The following NEO1 variants were observed in gnomAD, a reference collection of about 807,000 sequenced individuals.
NEO1 encodes neogenin 1.
NEO1 carries 63 observed loss-of-function variants against 159.7 expected under a neutral mutation model. That is an observed-to-expected ratio of 0.39 (90% CI 0.32 to 0.49). The LOEUF is 0.49. Ranked by LOEUF, NEO1 falls within the 20% of genes least tolerant of loss-of-function variation. NEO1 has a pLI of 0.85. For synonymous variants in NEO1, 633 were observed against 662.0 expected (o/e 0.96, Z 0.67); for missense variants, 1,615 against 1,831.0 (o/e 0.88, Z 2.15).
At chr15:73,285,736 C>G (rs1164143999) in intron 23 of NEO1, among the ~76,000 whole-genome samples, 1 of 152,146 alleles carries the variant, frequency 6.6e-6, no homozygotes, top group East Asian at 1.9e-4. Flanking sequence ...CCCTTAGCCC[C>G]TGACTGGCAA....
chr15:73,130,136 G>A (rs1367768392), intron 4 of NEO1, among the ~76,000 whole-genome samples: 1 of 152,146 alleles, frequency 6.6e-6, no homozygotes, highest in Non-Finnish European at 1.5e-5. Context: ...ACCACTGCCA[G>A]CTAATTTTTG....
At chr15:73,273,665 A>G (rs967893123) in intron 19 of NEO1, 146 bp from the exon 20 acceptor site, 14 of 630,416 alleles carry the variant, frequency 2.2e-5, no homozygotes, top group Non-Finnish European at 3.1e-5. Context: ...TCAAAACTGA[A>G]TTATTTTAAT....
At chr15:73,253,776 A>G (rs1418749143) in intron 12 of NEO1, among the ~76,000 whole-genome samples, 1 of 152,228 alleles carries the variant, frequency 6.6e-6, no homozygotes, top group Non-Finnish European at 1.5e-5. Context: ...TCTGTAAAAC[A>G]TTACATTCTA....
At chr15:73,155,937 A>G (rs2033739676) in intron 5 of NEO1, among the ~76,000 whole-genome samples, 1 of 152,174 alleles carries the variant, frequency 6.6e-6, no homozygotes, top group South Asian at 2.1e-4. Context: ...TTAATTCTTT[A>G]TCTAGAAGTT....
rs1041379297 is a variant in NEO1 at position 73,052,606 on chromosome 15, G to C, written c.-70G>C. ...CTTGCAGCGAGGGACCGGCTGAGGC[G>C]CGCGGGAGGGAAGGAGGCAAGGGCT... is the stretch of plus-strand genomic sequence containing the variant. On this transcript the variant is annotated 5_prime_UTR_variant, in exon 1 of 29. Transcript: ENST00000261908. 5 of 1,020,028 alleles carry C rather than the reference G, an allele frequency of 4.9e-6. No individual in the cohort carries two copies. The African/African-American group carries it at 7.0e-5, about 14-fold the overall frequency. 63.2% of individuals were successfully genotyped at this position (1,020,028 alleles called of 1,614,324 possible).
chr15:73,249,633 TAC>T lies in NEO1; in HGVS notation c.1808_1809del (p.Thr603ArgfsTer3). ...ACACCATTAATGGGTTGAAAAAATATACAGAGTATAGTTTCCGAGTGGTGGCC... is the reference window on the plus strand; with the variant it reads ...ACACCATTAATGGGTTGAAAAAATATAGAGTATAGTTTCCGAGTGGTGGCC... ...SYTINGLKKY[T>X]EYSFRVVAYN... On this transcript the variant is annotated frameshift_variant, in exon 11 of 29. Coordinates refer to ENST00000261908, the MANE Select transcript of NEO1 (RefSeq NM_002499.4). LOFTEE classifies it high-confidence loss of function. The T allele has an allele frequency of 6.2e-7, 1 of 1,613,638 alleles. No individual in the cohort carries two copies. The highest frequency in any genetic ancestry group is 1.3e-5 in the African/African-American group (1 of 75,034).
intron 1 of NEO1, among the ~76,000 whole-genome samples, chr15:73,071,361 T>C (rs2068523069): frequency 6.6e-6 from 1 of 152,212 alleles, no homozygotes; most frequent in Admixed American, 6.5e-5. Flanking sequence ...GATTTTGTAT[T>C]CATAAAGTTT....
intron 21 of NEO1, 101 bp from the exon 22 acceptor site, chr15:73,278,030 A>C (rs2041496286): frequency 1.3e-5 from 12 of 959,284 alleles, no homozygotes; most frequent in Non-Finnish European, 1.8e-5. Context: ...GACAGAATAG[A>C]CTAAAAATTG....
In NEO1 at chr15:73,214,680, A is replaced by G. The variant is rs2037775399; in HGVS notation, c.1292-21667A>G. 3.3e-5 allele frequency among the ~76,000 whole-genome samples: 5 copies of G among 152,138 alleles called. No individual in the cohort carries two copies. The South Asian group carries it at 1.0e-3, about 32-fold the overall frequency. On this transcript the variant is annotated intron_variant, in intron 7 of 28. Coordinates refer to ENST00000261908, the MANE Select transcript of NEO1 (RefSeq NM_002499.4). ...ATGCTGTTTTGGTGACTATGGCCTT[A>G]TAGTATAGTTTGAAATCAGGTAGTG...
chr15:73,298,710 G>A, intron 27 of NEO1, 99 bp downstream of exon 27: 1 of 1,478,858 alleles, frequency 6.8e-7, no homozygotes, highest in Non-Finnish European at 9.2e-7. Context: ...GTATAGCAAA[G>A]CAAATATCCT....
rs550127842 is a variant in NEO1 at position 73,292,480 on chromosome 15, T to A, written c.3743-910T>A. 9.9e-5 allele frequency among the ~76,000 whole-genome samples: 15 copies of A among 152,232 alleles called. No individual in the cohort carries two copies. The South Asian group carries it at 3.1e-3, about 32-fold the overall frequency. On this transcript the variant is annotated intron_variant, in intron 25 of 28. Coordinates refer to ENST00000261908, the MANE Select transcript of NEO1 (RefSeq NM_002499.4). ...CATTTCTACAACCACTCCAAGGGAG[T>A]TCCTCAGAAAAGTTTATTCTCAGAC...
At chr15:73,129,554 A>G (rs1238614123) in intron 4 of NEO1, among the ~76,000 whole-genome samples, 1 of 152,232 alleles carries the variant, frequency 6.6e-6, no homozygotes, top group Admixed American at 6.5e-5. Flanking sequence ...TCAGATTTAC[A>G]ATAATCATCG....
intron 7 of NEO1, among the ~76,000 whole-genome samples, chr15:73,184,903 G>A (rs2035833068): frequency 1.3e-5 from 2 of 152,066 alleles, no homozygotes; most frequent in African/African-American, 4.8e-5. Flanking sequence ...ACTCCAGCCT[G>A]GGTGACAGAG....
chr15:73,110,963 C>T (rs981073221), intron 1 of NEO1, among the ~76,000 whole-genome samples: 5 of 151,940 alleles, frequency 3.3e-5, no homozygotes, highest in African/African-American at 1.2e-4. Context: ...TGTTCTCCAC[C>T]ACCACCAACA....
chr15:73,103,160 C>T (rs974072119), intron 1 of NEO1, among the ~76,000 whole-genome samples: 7 of 152,306 alleles, frequency 4.6e-5, no homozygotes, highest in African/African-American at 1.7e-4. Flanking sequence ...GGCTTCCCAA[C>T]TGGTTTCCCT....
At chr15:73,058,595 G>T (rs545472396) in intron 1 of NEO1, among the ~76,000 whole-genome samples, 1 of 152,258 alleles carries the variant, frequency 6.6e-6, no homozygotes, top group South Asian at 2.1e-4. Context: ...GTGTGTATGT[G>T]GGGGTCAGGG....
At chr15:73,255,636 G>C (rs142414338) in intron 13 of NEO1, 77 of 152,288 alleles carry the variant, frequency 5.1e-4, no homozygotes, top group African/African-American at 1.8e-3. Flanking sequence ...CTGCAGAATC[G>C]ACTGTAGTCT....
At chr15:73,150,561 A>C (rs1168460228) in intron 5 of NEO1, among the ~76,000 whole-genome samples, 1 of 152,188 alleles carries the variant, frequency 6.6e-6, no homozygotes, top group Non-Finnish European at 1.5e-5. Flanking sequence ...TTTCAGAGTA[A>C]GTTGCAGACA....
chr15:73,266,753 A>G (rs767578862), intron 16 of NEO1, among the ~76,000 whole-genome samples: 1 of 152,200 alleles, frequency 6.6e-6, no homozygotes, highest in Non-Finnish European at 1.5e-5. Context: ...AAAACAAAAA[A>G]TGTAGGTTAC....
Sources: allele counts gnomAD v4.1 joint callset (sites outside exome capture counted in the v4.1 genomes callset), GRCh38; gene constraint gnomAD v4.1.1; transcripts MANE v1.5; gene names NCBI Gene and HGNC (gene_info 2026-07-23, HGNC 2026-07-21).